Variants in MYO9B observed in about 807,000 individuals in gnomAD.
The protein encoded by MYO9B is myosin IXB, also known as unconventional myosin-IXb.
MYO9B carries 71 observed loss-of-function variants against 229.5 expected under a neutral mutation model. The observed-to-expected ratio is 0.31, with a 90% CI of 0.26 to 0.38. MYO9B has a LOEUF of 0.38. MYO9B is among the 10% of genes least tolerant of loss of function. MYO9B has a pLI of 1.00. For missense variants in MYO9B, 2,255 were observed against 2,920.5 expected, an observed-to-expected ratio of 0.77 and a Z score of 5.25; for synonymous variants, 1,185 against 1,235.8, an observed-to-expected ratio of 0.96 and a Z score of 0.86.
At chr19:17,181,085 TCCCACTACTCCTGCGACCCCGGCGGGG>T (rs755682705) in intron 15 of MYO9B, 45 bp downstream of exon 15, 1 of 1,374,706 alleles carries the variant, frequency 7.3e-7, no homozygotes, top group Non-Finnish European at 1.0e-6. Context: ...GACAACCGCC[TCCCACTACTCCTGCGACCCCGGCGGGG>T]CCTGCAGTCT....
intron 1 of MYO9B, among the ~76,000 whole-genome samples, chr19:17,082,409 A>AAGTCAC (rs1192668252): frequency 6.6e-6 from 1 of 152,098 alleles, no homozygotes; most frequent in Non-Finnish European, 1.5e-5. Flanking sequence ...CTCACGAGTG[A>AAGTCAC]AGTCACAGCA....
At chr19:17,090,511 C>T (rs2057627807) in intron 1 of MYO9B, among the ~76,000 whole-genome samples, 1 of 152,190 alleles carries the variant, frequency 6.6e-6, no homozygotes, top group Non-Finnish European at 1.5e-5. Flanking sequence ...TTGTGTTTTT[C>T]CATTTATCCG....
At chr19:17,092,976 A>G (rs1399139886) in intron 1 of MYO9B, among the ~76,000 whole-genome samples, 1 of 152,166 alleles carries the variant, frequency 6.6e-6, no homozygotes, top group African/African-American at 2.4e-5. Context: ...TCCTCTGTGT[A>G]CATGCAAGCA....
At chr19:17,126,065 G>A (rs2058014881) in intron 2 of MYO9B, among the ~76,000 whole-genome samples, 1 of 152,126 alleles carries the variant, frequency 6.6e-6, no homozygotes, top group Non-Finnish European at 1.5e-5. Flanking sequence ...CTTGTGCCTG[G>A]CTGGCATCAT....
intron 3 of MYO9B, among the ~76,000 whole-genome samples, chr19:17,149,666 T>C (rs138729232): frequency 2.0e-4 from 30 of 152,310 alleles, no homozygotes; most frequent in African/African-American, 6.3e-4. Flanking sequence ...CACTTCTCCA[T>C]GCCATTCCCA....
At chr19:17,203,316 G>A in intron 30 of MYO9B, 58 bp downstream of exon 30, 1 of 1,341,268 alleles carries the variant, frequency 7.5e-7, no homozygotes, top group Non-Finnish European at 1.0e-6. Flanking sequence ...ACCCCTCACT[G>A]CTCAAGAGGT....
At position 17,194,817 on chromosome 19, in the gene MYO9B, G is replaced by C; in HGVS notation, c.3390G>C (p.Gln1130His). The C allele has an allele frequency of 1.2e-6, 2 of 1,613,382 alleles. No homozygotes were observed. The highest frequency in any genetic ancestry group is 1.6e-4 in the Middle Eastern group (1 of 6,062). ...APSPEKTLPPQKTVAAESHEK... is the reference protein window; with the variant it reads ...APSPEKTLPPHKTVAAESHEK... ...GCCCAGAGAAGACTCTCCCACCCCA[G>C]AAAACCGTGGCGGCTGAAAGTCACG... The change falls in exon 22 of 40, where the codon CAG becomes CAC. Residue 1130 changes from glutamine (Q) to histidine (H), a missense_variant. By Grantham distance (24) the Gln-to-His change is conservative. Transcript: ENST00000682292.
intron 11 of MYO9B, among the ~76,000 whole-genome samples, chr19:17,168,893 C>G (rs1359430485): frequency 6.6e-6 from 1 of 152,236 alleles, no homozygotes; most frequent in African/African-American, 2.4e-5. Flanking sequence ...CTCATCCCCA[C>G]AGTCCACAGG....
chr19:17,130,185 T>G (rs1180285336), intron 2 of MYO9B, among the ~76,000 whole-genome samples: 1 of 151,992 alleles, frequency 6.6e-6, no homozygotes, highest in Non-Finnish European at 1.5e-5. Context: ...GATATAGAAT[T>G]TTTGACCAGG....
intron 2 of MYO9B, among the ~76,000 whole-genome samples, chr19:17,125,301 C>CA (rs960103867): frequency 3.7e-5 from 5 of 136,144 alleles, no homozygotes; most frequent in Non-Finnish European, 6.3e-5. Context: ...ACCCCATCCC[C>CA]CCCCCCCCAA....
intron 7 of MYO9B, 74 bp from the exon 8 acceptor site, chr19:17,159,321 T>C: frequency 7.2e-7 from 1 of 1,393,532 alleles, no homozygotes; most frequent in South Asian, 1.2e-5. Context: ...GGGCGTTGCC[T>C]CAGTGATACC....
At chr19:17,096,682 TTGTTGTTGTTGTTGTTGTTGTTGG>T (rs2057692747) in intron 1 of MYO9B, among the ~76,000 whole-genome samples, 1 of 112,318 alleles carries the variant, frequency 8.9e-6, no homozygotes, top group Non-Finnish European at 1.8e-5. Context: ...GTTGTTGTTG[TTGTTGTTGTTGTTGTTGTTGTTGG>T]TTTTTTTTTT....
chr19:17,183,880 AAC>A lies in MYO9B; in HGVS notation c.2373+17_2373+18del, dbSNP rs1491421439. The A allele has an allele frequency of 3.2e-6, 5 of 1,564,570 alleles. No individual in the cohort carries two copies. Among genetic ancestry groups the A allele is most frequent in the Non-Finnish European group, 3.4e-6 (4 of 1,160,272 alleles). On this transcript the variant is annotated intron_variant, in intron 16 of 39. Coordinates refer to ENST00000682292, the MANE Select transcript of MYO9B (RefSeq NM_004145.4). ...AGATCATTCCAAAGGTAAAAAAAAA[AAC>A]ACACCCCGCGCGACACGTTCCAAGA...
At chr19:17,128,660 G>A (rs1225478447) in intron 2 of MYO9B, among the ~76,000 whole-genome samples, 3 of 152,250 alleles carry the variant, frequency 2.0e-5, no homozygotes, top group Admixed American at 2.0e-4. Context: ...TCTCGTCTGG[G>A]TCTGACTGCT....
In MYO9B at chr19:17,211,996, G is replaced by A; in HGVS notation, c.6160G>A (p.Val2054Ile). 2.5e-6 allele frequency: 4 copies of A among 1,603,000 alleles called. No individual in the cohort carries two copies. The highest frequency in any genetic ancestry group is 3.4e-6 in the Non-Finnish European group (4 of 1,175,386). Reference protein sequence around the residue: ...PRRRPSSFVTVRVKTPRRTPI... With the variant: ...PRRRPSSFVTIRVKTPRRTPI... ...ACGAAGGCCGTCGTCCTTCGTAACG[G>A]TCAGAGTGAAGACCCCCCGGCGGAC... The change falls in exon 40 of 40, where the codon GTC (valine) becomes ATC (isoleucine). Residue 2054 changes from valine to isoleucine, a missense_variant. Physicochemically the swap from Val to Ile is conservative, Grantham distance 29. Around this residue, in one of 7 missense-constraint regions of MYO9B, gnomAD observed 331 missense variants for 332.5 expected, o/e 1.00. Coordinates refer to ENST00000682292, the MANE Select transcript of MYO9B (RefSeq NM_004145.4).
At chr19:17,100,778 C>T (rs1490494711) in intron 1 of MYO9B, among the ~76,000 whole-genome samples, 1 of 152,130 alleles carries the variant, frequency 6.6e-6, no homozygotes. Flanking sequence ...GCTTCAGAAG[C>T]AACCACACTC....
chr19:17,159,721 C>G (rs1051925683), intron 8 of MYO9B, among the ~76,000 whole-genome samples: 1 of 152,268 alleles, frequency 6.6e-6, no homozygotes, highest in African/African-American at 2.4e-5. Flanking sequence ...TCCAGATGTT[C>G]CGTGTGCATG....
Position 17,213,200 on chromosome 19 carries a change from G to C in MYO9B, c.*890G>C, listed in dbSNP as rs2073250827. 1 of 152,310 alleles carries C rather than the reference G, an allele frequency of 6.6e-6. No homozygotes were observed. The highest frequency in any genetic ancestry group is 2.4e-5 in the African/African-American group (1 of 41,468). The allele number at this position is 152,310 out of a possible 1,614,324, so 9.4% of individuals were successfully genotyped here. A position where few individuals can be genotyped will look rare whatever the true frequency, so the allele number is the denominator to read the frequency against. Reference sequence around the variant, plus strand: ...AGCAGGGCCCTCCTCTCTCAGGCTTGGCCCACTCCCCCAGACACCTGGACA... The same window carrying C: ...AGCAGGGCCCTCCTCTCTCAGGCTTCGCCCACTCCCCCAGACACCTGGACA... On this transcript the variant is annotated 3_prime_UTR_variant, in exon 40 of 40. Transcript: ENST00000682292.
chr19:17,190,871 C>CT (rs1247752625), intron 19 of MYO9B, among the ~76,000 whole-genome samples: 1 of 152,090 alleles, frequency 6.6e-6, no homozygotes, highest in African/African-American at 2.4e-5. Context: ...TCTCGAACTC[C>CT]TGACCTCAGG....
Sources: gnomAD v4.1 joint callset for allele counts (sites outside exome capture counted in the v4.1 genomes callset) on GRCh38, gnomAD v4.1.1 for gene constraint, gnomAD v4.1.1 regional missense constraint, MANE v1.5 for transcripts, NCBI Gene and HGNC (gene_info 2026-07-23, HGNC 2026-07-21) for gene names.